Variants in LOXHD1 observed in about 807,000 individuals in gnomAD.
LOXHD1 encodes lipoxygenase homology PLAT domains 1, also known as lipoxygenase homology domain-containing protein 1.
Under a neutral mutation model 248.2 loss-of-function variants are expected in LOXHD1, and 205 were observed. The observed-to-expected ratio is 0.83, with a 90% CI of 0.74 to 0.93. The LOEUF is 0.93. Among genes scored for constraint, LOXHD1 ranks in the 40% least tolerant of loss-of-function variants. The probability of loss-of-function intolerance (pLI) is 0.00; values close to 1 mark genes in which losing one functional copy is unlikely to be tolerated. For synonymous variants in LOXHD1, 1,113 were observed against 1,162.8 expected (o/e 0.96, Z 0.87); for missense variants, 2,930 against 2,971.6 (o/e 0.99, Z 0.33).
chr18:46,624,508 C>G (rs557937360), intron 4 of LOXHD1, among the ~76,000 whole-genome samples: 18 of 152,272 alleles, frequency 1.2e-4, no homozygotes, highest in African/African-American at 4.3e-4. Context: ...GGATTCCCTC[C>G]CAGTCATGTA....
In LOXHD1 at chr18:46,649,289, G is replaced by A. The variant is rs1299526910; in HGVS notation, c.131-20C>T. The A allele has an allele frequency of 7.1e-6, 11 of 1,539,760 alleles. No individual in the cohort carries two copies. Among genetic ancestry groups the A allele is most frequent in the Non-Finnish European group, 9.7e-6 (11 of 1,136,628 alleles). ...CATACACTGGAGGAGGAGAGGAGGA[G>A]ACAGATTGCAGGCTCAGAAAAAAAC... On this transcript the variant is annotated intron_variant, in intron 1 of 40. Coordinates refer to ENST00000642948, the MANE Select transcript of LOXHD1 (RefSeq NM_001384474.1).
At chr18:46,513,484 G>A (rs1249397461) in intron 34 of LOXHD1, among the ~76,000 whole-genome samples, 1 of 152,202 alleles carries the variant, frequency 6.6e-6, no homozygotes, top group Non-Finnish European at 1.5e-5. Flanking sequence ...AATCCCAAGA[G>A]TCCTTATAAG....
At chr18:46,494,588 T>C (rs1392993848) in intron 37 of LOXHD1, among the ~76,000 whole-genome samples, 5 of 152,170 alleles carry the variant, frequency 3.3e-5, no homozygotes, top group South Asian at 2.1e-4. Context: ...ACATATGTTA[T>C]CTAAGAGGCC....
At chr18:46,517,840 A>C (rs528221075) in intron 34 of LOXHD1, among the ~76,000 whole-genome samples, 1 of 152,376 alleles carries the variant, frequency 6.6e-6, no homozygotes, top group South Asian at 2.1e-4. Context: ...ACAATGATAC[A>C]ATACCATCAA....
intron 1 of LOXHD1, among the ~76,000 whole-genome samples, chr18:46,650,989 C>A (rs923852183): frequency 6.6e-6 from 1 of 152,226 alleles, no homozygotes; most frequent in Non-Finnish European, 1.5e-5. Flanking sequence ...AAGCCTCTGG[C>A]ACACAGAAGA....
intron 3 of LOXHD1, among the ~76,000 whole-genome samples, chr18:46,640,974 T>C (rs2038955589): frequency 6.6e-6 from 1 of 152,126 alleles, no homozygotes; most frequent in South Asian, 2.1e-4. Flanking sequence ...AAACCCATGA[T>C]ACACCAGGCC....
intron 4 of LOXHD1, among the ~76,000 whole-genome samples, chr18:46,637,333 G>A (rs1343415312): frequency 6.6e-6 from 1 of 152,190 alleles, no homozygotes; most frequent in Admixed American, 6.5e-5. Context: ...CTACCCTGAG[G>A]ATTCTTGTGG....
chr18:46,485,379 G>C (rs1297346615), intron 38 of LOXHD1, among the ~76,000 whole-genome samples: 1 of 152,026 alleles, frequency 6.6e-6, no homozygotes, highest in Admixed American at 6.5e-5. Flanking sequence ...CAACCTCTTT[G>C]TAGGCAAATA....
chr18:46,488,832 G>T, intron 38 of LOXHD1, 140 bp downstream of exon 38: 1 of 927,314 alleles, frequency 1.1e-6, no homozygotes, highest in Non-Finnish European at 1.6e-6. Flanking sequence ...TCACCAAACA[G>T]CATTTAGGAT....
At chr18:46,535,298 GT>G (rs1265329410) in intron 26 of LOXHD1, among the ~76,000 whole-genome samples, 10 of 152,224 alleles carry the variant, frequency 6.6e-5, no homozygotes, top group African/African-American at 2.2e-4. Flanking sequence ...ACAAAAGAGT[GT>G]TTCCTTAGCT....
chr18:46,482,052 G>A lies in LOXHD1; in HGVS notation c.6341+1535C>T, dbSNP rs564749679. Among the ~76,000 whole-genome samples the A allele has an allele frequency of 2.0e-5, 3 of 152,324 alleles. No homozygotes were observed. In the East Asian group the frequency reaches 5.8e-4, roughly 29 times the overall value. Reference sequence around the variant, plus strand: ...TAGGCCTGGCCCTGACTTGCTCAGTGAGTCATTCACTTTTCTGGGATAGTC... The same window carrying A: ...TAGGCCTGGCCCTGACTTGCTCAGTAAGTCATTCACTTTTCTGGGATAGTC... On this transcript the variant is annotated intron_variant, in intron 40 of 40. Transcript: ENST00000642948.
intron 33 of LOXHD1, chr18:46,518,982 A>G (rs1250799047): frequency 1.0e-6 from 1 of 985,380 alleles, no homozygotes; most frequent in Non-Finnish European, 1.2e-6. Flanking sequence ...GGTGTGCTCC[A>G]AAGAGAATGT....
At chr18:46,557,305 A>G (rs1307079557) in intron 21 of LOXHD1, 51 bp downstream of exon 21, 4 of 1,548,476 alleles carry the variant, frequency 2.6e-6, no homozygotes, top group Non-Finnish European at 2.6e-6. Context: ...TGTGGCAGAC[A>G]TGGCCTCCCT....
chr18:46,609,427 CA>C (rs1253715014), intron 6 of LOXHD1, among the ~76,000 whole-genome samples: 1 of 152,204 alleles, frequency 6.6e-6, no homozygotes, highest in Non-Finnish European at 1.5e-5. Flanking sequence ...TAAAGTTAAG[CA>C]ATAATAAAAC....
At chr18:46,653,892 T>C (rs2039144408) in intron 1 of LOXHD1, among the ~76,000 whole-genome samples, 1 of 152,262 alleles carries the variant, frequency 6.6e-6, no homozygotes, top group African/African-American at 2.4e-5. Context: ...GTTACATTTC[T>C]GGGAATTTAC....
At chr18:46,515,969 C>A (rs560042) in intron 34 of LOXHD1, among the ~76,000 whole-genome samples, 5 of 152,194 alleles carry the variant, frequency 3.3e-5, no homozygotes, top group Admixed American at 2.0e-4. Flanking sequence ...CCGATTCTGG[C>A]TACCCTACCT....
intron 33 of LOXHD1, chr18:46,519,215 G>T: frequency 2.1e-6 from 1 of 480,090 alleles, no homozygotes; most frequent in Non-Finnish European, 2.7e-6. Context: ...GAGAGGCTCA[G>T]ACACACGGTT....
chr18:46,522,092 A>G lies in LOXHD1; in HGVS notation c.5085+9T>C, dbSNP rs2035604143. ...TGGTCACTATCATGGGGCCCCGAGAAGCCAGCACCTCTATTTTCTTGATGA... is the reference window on the plus strand; with the variant it reads ...TGGTCACTATCATGGGGCCCCGAGAGGCCAGCACCTCTATTTTCTTGATGA... On this transcript the variant is annotated intron_variant, in intron 32 of 40. Coordinates refer to ENST00000642948, the MANE Select transcript of LOXHD1 (RefSeq NM_001384474.1). The G allele has an allele frequency of 6.5e-7, 1 of 1,545,534 alleles. No individual in the cohort carries two copies. Among genetic ancestry groups the G allele is most frequent in the Admixed American group, 2.0e-5 (1 of 50,910 alleles).
chr18:46,571,986 T>C (rs572782554), intron 15 of LOXHD1, 100 bp downstream of exon 15: 22 of 1,050,798 alleles, frequency 2.1e-5, no homozygotes, highest in Non-Finnish European at 3.1e-5. Flanking sequence ...GCCACCTCTG[T>C]GAAACATGAA....
Sources: allele counts gnomAD v4.1 joint callset (sites outside exome capture counted in the v4.1 genomes callset), GRCh38; gene constraint gnomAD v4.1.1; transcripts MANE v1.5; gene names NCBI Gene and HGNC (gene_info 2026-07-23, HGNC 2026-07-21).